Variants in ACACB observed in about 807,000 individuals in gnomAD.
ACACB encodes the protein acetyl-CoA carboxylase beta.
Under a neutral mutation model 278.8 loss-of-function variants are expected in ACACB, and 209 were observed. That is an observed-to-expected ratio of 0.75 (90% CI 0.67 to 0.84). ACACB has a LOEUF of 0.84. Among genes scored for constraint, ACACB ranks in the 40% least tolerant of loss-of-function variants. ACACB has a pLI of 0.00. For missense variants in ACACB, 2,850 were observed against 3,269.0 expected, an observed-to-expected ratio of 0.87 and a Z score of 3.13; for synonymous variants, 1,174 against 1,285.6, an observed-to-expected ratio of 0.91 and a Z score of 1.86.
chr12:109,234,813 G>A (rs760632542), intron 31 of ACACB, among the ~76,000 whole-genome samples: 5 of 151,662 alleles, frequency 3.3e-5, no homozygotes, highest in Non-Finnish European at 5.9e-5. Context: ...GGTGGGGGCC[G>A]AGGGGAGGGA....
chr12:109,179,509 CAG>C (rs967452325), intron 10 of ACACB: 20 of 621,678 alleles, frequency 3.2e-5, no homozygotes, highest in African/African-American at 5.5e-5. Context: ...TTTTTTGAGA[CAG>C]AGTCTCACTG....
rs760700219 is a variant in ACACB, at chr12:109,166,893, G to A, written c.686G>A (p.Arg229Lys). 3 of 1,613,958 alleles carry A rather than the reference G, an allele frequency of 1.9e-6. No homozygotes were observed. The highest frequency in any genetic ancestry group is 1.6e-4 in the Middle Eastern group (1 of 6,084). ...PSMSGLHLVK[R>K]GREHKKLDLH... ...ATGTCGGGACTCCACCTGGTGAAGA[G>A]GGGACGGGAACACAAGAAGCTGGAC... The change falls in exon 3 of 53, where the codon AGG becomes AAG. Residue 229 changes from arginine to lysine, a missense_variant. By Grantham distance (26) the Arg-to-Lys change is conservative. Coordinates refer to ENST00000338432, the MANE Select transcript of ACACB (RefSeq NM_001093.4).
intron 22 of ACACB, 108 bp from the exon 23 acceptor site, chr12:109,216,510 A>C: frequency 8.6e-7 from 1 of 1,162,040 alleles, no homozygotes; most frequent in Non-Finnish European, 1.2e-6. Flanking sequence ...ATGAGCCACC[A>C]TGCCCAGCCA....
At chr12:109,133,853 A>C (rs868379872) in intron 1 of ACACB, among the ~76,000 whole-genome samples, 8 of 48,230 alleles carry the variant, frequency 1.7e-4, no homozygotes, top group African/African-American at 7.7e-4. Context: ...ATATATATAT[A>C]TATATATATA....
chr12:109,166,678 C>A (rs3858708), intron 2 of ACACB, among the ~76,000 whole-genome samples, 183 bp from the exon 3 acceptor site: 49,037 of 67,646 alleles, frequency 0.72, 17,921 homozygotes, highest in Non-Finnish European at 0.8. Context: ...AAAAAAAAAA[C>A]CGAAGGTGCT....
intron 3 of ACACB, among the ~76,000 whole-genome samples, chr12:109,167,621 G>GTATATATATATATATATATATATATATA (rs1216217057): frequency 6.7e-4 from 52 of 77,490 alleles, no homozygotes; most frequent in East Asian, 1.3e-3. Context: ...ATATGTATGT[G>GTATATATATATATATATATATATATATA]TATATATATA....
At position 109,253,115 on chromosome 12, in the gene ACACB, AG is replaced by A; in HGVS notation, c.6007del (p.Val2003PhefsTer55). On this transcript the variant is annotated frameshift_variant, in exon 43 of 53. Coordinates refer to ENST00000338432, the MANE Select transcript of ACACB (RefSeq NM_001093.4). LOFTEE classifies it high-confidence loss of function. ...VSHITVPDDF[E>X]GVYTILEWLS... ...CACATCACCGTGCCAGATGACTTTG[AG>A]GGGGTTTATACCATCCTGGAGTGGC... The A allele has an allele frequency of 6.2e-7, 1 of 1,612,810 alleles. No individual in the cohort carries two copies. Among genetic ancestry groups the A allele is most frequent in the Admixed American group, 1.7e-5 (1 of 59,918 alleles).
At chr12:109,162,087 G>C (rs1289905942) in intron 2 of ACACB, among the ~76,000 whole-genome samples, 1 of 150,230 alleles carries the variant, frequency 6.7e-6, no homozygotes, top group Non-Finnish European at 1.5e-5. Flanking sequence ...AGTGATTTTT[G>C]TGCCTCAGCC....
chr12:109,114,678 T>A (rs1018107547), upstream of ACACB, among the ~76,000 whole-genome samples: 1 of 148,884 alleles, frequency 6.7e-6, no homozygotes, highest in Non-Finnish European at 1.5e-5. Flanking sequence ...ACCTTGTCTT[T>A]AAAAAAAAAA....
chr12:109,191,532 T>C (rs1469362927), intron 13 of ACACB, 81 bp from the exon 14 acceptor site: 1 of 1,563,722 alleles, frequency 6.4e-7, no homozygotes, highest in African/African-American at 1.4e-5. Flanking sequence ...GCTTTTCCAG[T>C]TCTCTGAATC....
chr12:109,233,453 G>T (rs1438494897), intron 29 of ACACB, among the ~76,000 whole-genome samples: 1 of 152,134 alleles, frequency 6.6e-6, no homozygotes, highest in Non-Finnish European at 1.5e-5. Flanking sequence ...GTAAAAATGG[G>T]AGCCAAGAGT....
chr12:109,175,098 T>C (rs928709836), intron 7 of ACACB, among the ~76,000 whole-genome samples: 8 of 152,228 alleles, frequency 5.3e-5, no homozygotes, highest in African/African-American at 7.2e-5. Context: ...GGAGCTTTGA[T>C]AATCTTACAG....
intron 19 of ACACB, among the ~76,000 whole-genome samples, chr12:109,204,559 G>C (rs911895023): frequency 2.6e-5 from 4 of 151,876 alleles, no homozygotes; most frequent in African/African-American, 9.7e-5. Context: ...ACAGGTGTGA[G>C]CCACCATGTC....
rs2046825586 is a variant in ACACB at position 109,242,436 on chromosome 12, G to T, written c.5023-1G>T. ...TCTGTTTTCCCTCCTTTCTGGTCCA[G>T]ATCATGTTTCACTCCTTCGGCAACA... On this transcript the variant is annotated splice_acceptor_variant, in intron 36 of 52. Coordinates refer to ENST00000338432, the MANE Select transcript of ACACB (RefSeq NM_001093.4). LOFTEE classifies it high-confidence loss of function. 4.3e-6 allele frequency: 7 copies of T among 1,613,532 alleles called. No homozygotes were observed. The highest frequency in any genetic ancestry group is 1.3e-5 in the African/African-American group (1 of 75,020).
intron 45 of ACACB, among the ~76,000 whole-genome samples, chr12:109,257,598 T>C (rs1383674622): frequency 6.6e-6 from 1 of 152,122 alleles, no homozygotes; most frequent in Non-Finnish European, 1.5e-5. Flanking sequence ...TGAGACAAGG[T>C]CTTGCTCTGT....
intron 3 of ACACB, among the ~76,000 whole-genome samples, chr12:109,167,655 T>TATATATATATATATATATATATATATA (rs1438380921): frequency 1.5e-5 from 1 of 66,510 alleles, no homozygotes; most frequent in Non-Finnish European, 2.9e-5. Context: ...ATATATATAT[T>TATATATATATATATATATATATATATA]TCAGACAAAC....
chr12:109,234,912 GT>G lies in ACACB; in HGVS notation c.4348-390del, dbSNP rs1028350074. Among the ~76,000 whole-genome samples the G allele has an allele frequency of 1.9e-3, 276 of 142,278 alleles. 1 individual carries two copies. The highest frequency in any genetic ancestry group is 5.4e-3 in the African/African-American group (210 of 38,688). 93.3% of individuals were successfully genotyped at this position (142,278 alleles called of 152,430 possible). ...CCTGCACGTTCTGCACATGTATCCT[GT>G]TTTTTTTTTTAGAAGAAATAAGAAA... On this transcript the variant is annotated intron_variant, in intron 31 of 52. Transcript: ENST00000338432.
At position 109,191,858 on chromosome 12, in the gene ACACB, G is replaced by A. The variant is rs749026048; in HGVS notation, c.2307G>A (p.Pro769=). 42 of 1,614,042 alleles carry A rather than the reference G, an allele frequency of 2.6e-5. No individual in the cohort carries two copies. The highest frequency in any genetic ancestry group is 1.1e-4 in the African/African-American group (8 of 74,922). ...LIAEKVQAEK[P]DIMLGVVCGA... is the part of the protein sequence containing the mutation. The stretch of plus-strand genomic sequence containing the variant: ...GCATTTTCTCCTAGGCGGAGAAACC[G>A]GATATCATGCTTGGGGTGGTATGCG... Residue 769 remains proline (P), a synonymous_variant, in exon 15 of 53, where the codon CCG becomes CCA. Coordinates refer to ENST00000338432, the MANE Select transcript of ACACB (RefSeq NM_001093.4).
chr12:109,227,433 G>A lies in ACACB; in HGVS notation c.3945G>A (p.Pro1315=), dbSNP rs373873114. ...ELNSLQHRQL[P]DGTCVVEFQF... Reference sequence around the variant, plus strand: ...ACAGCCTGCAGCACCGGCAGCTCCCGGACGGCACCTGCGTGGTAGAATTCC... The same window carrying A: ...ACAGCCTGCAGCACCGGCAGCTCCCAGACGGCACCTGCGTGGTAGAATTCC... The change falls in exon 28 of 53, where the codon CCG becomes CCA. Residue 1315 remains proline, a synonymous_variant. Transcript: ENST00000338432. 17 of 1,613,444 alleles carry A rather than the reference G, an allele frequency of 1.1e-5. No homozygotes were observed. Among genetic ancestry groups the A allele is most frequent in the African/African-American group, 4.0e-5 (3 of 74,902 alleles).
Sources: allele counts gnomAD v4.1 joint callset (sites outside exome capture counted in the v4.1 genomes callset), GRCh38; gene constraint gnomAD v4.1.1; transcripts MANE v1.5; gene names NCBI Gene and HGNC (gene_info 2026-07-23, HGNC 2026-07-21).